RARB: variants seen among roughly 807,000 people sequenced by gnomAD.
The protein encoded by RARB is retinoic acid receptor beta, also known as HBV-activated protein.
Under a neutral mutation model 51.9 loss-of-function variants are expected in RARB, and 17 were observed. The ratio of observed to expected loss-of-function variants is 0.33; its 90% confidence interval spans 0.22 to 0.49. RARB has a LOEUF of 0.49. Ranked by LOEUF, RARB falls within the 20% of genes least tolerant of loss-of-function variation. RARB has a pLI of 0.99. For synonymous variants in RARB, 215 were observed against 195.4 expected (o/e 1.10, Z -0.84); for missense variants, 369 against 550.8 (o/e 0.67, Z 3.30).
rs1159578981 is a variant in RARB at position 25,416,733 on chromosome 3, T to A, written c.179-44460T>A. On this transcript the variant is annotated intron_variant, in intron 5 of 11. Transcript: ENST00000383772. ...AACAAGTGGTAGGCTGGATTTGGCC[T>A]TTGGAGTCTGCCAACCCCTGGACTT... Among the ~76,000 whole-genome samples, 3 of 152,216 alleles carry A rather than the reference T, an allele frequency of 2.0e-5. No homozygotes were observed. In the East Asian group the frequency reaches 5.8e-4, roughly 29 times the overall value.
chr3:24,954,461 G>C (rs924699503), intron 2 of RARB, among the ~76,000 whole-genome samples: 8 of 152,314 alleles, frequency 5.3e-5, no homozygotes, highest in African/African-American at 1.9e-4. Flanking sequence ...GTCAAGGTCT[G>C]AGTCCTCTTT....
chr3:25,284,231 A>G (rs1166238167), intron 5 of RARB, among the ~76,000 whole-genome samples: 2 of 152,074 alleles, frequency 1.3e-5, no homozygotes, highest in African/African-American at 4.8e-5. Context: ...TTGAAAGTGG[A>G]CCTTCCCCAC....
chr3:25,222,056 C>G (rs1701959876), intron 5 of RARB, among the ~76,000 whole-genome samples: 1 of 152,206 alleles, frequency 6.6e-6, no homozygotes, highest in African/African-American at 2.4e-5. Context: ...CTATCACTCT[C>G]ATTAAGTTAC....
At chr3:24,966,608 C>A (rs1356043963) in intron 2 of RARB, among the ~76,000 whole-genome samples, 11 of 70,852 alleles carry the variant, frequency 1.6e-4, no homozygotes, top group African/African-American at 5.4e-4. Context: ...TTACATTCAT[C>A]TCTCTCTCTC....
At chr3:24,851,165 T>C (rs1392539902) in intron 1 of RARB, among the ~76,000 whole-genome samples, 2 of 152,130 alleles carry the variant, frequency 1.3e-5, no homozygotes, top group African/African-American at 4.8e-5. Flanking sequence ...CCTGGTTTGG[T>C]GGCTCATGCC....
At chr3:25,288,679 G>T (rs1703712763) in intron 5 of RARB, among the ~76,000 whole-genome samples, 1 of 152,060 alleles carries the variant, frequency 6.6e-6, no homozygotes. Flanking sequence ...CCCTGTACCA[G>T]AAACAATAAC....
At chr3:25,046,139 G>A (rs1698209009) in intron 2 of RARB, among the ~76,000 whole-genome samples, 1 of 152,180 alleles carries the variant, frequency 6.6e-6, no homozygotes, top group Non-Finnish European at 1.5e-5. Flanking sequence ...GGAAATTAGG[G>A]AAAGAAAATG....
intron 3 of RARB, among the ~76,000 whole-genome samples, chr3:25,088,101 A>G (rs1046622706): frequency 6.6e-6 from 1 of 152,004 alleles, no homozygotes; most frequent in Non-Finnish European, 1.5e-5. Context: ...GAGATAAGCA[A>G]TTTCACAGTA....
chr3:25,530,007 C>T (rs1181884616), intron 3 of RARB, among the ~76,000 whole-genome samples: 1 of 152,128 alleles, frequency 6.6e-6, no homozygotes, highest in Non-Finnish European at 1.5e-5. Context: ...GCCTCCCCTC[C>T]CTGAGCAACC....
intron 5 of RARB, among the ~76,000 whole-genome samples, chr3:25,585,835 C>T (rs913062561): frequency 3.3e-5 from 5 of 152,138 alleles, no homozygotes; most frequent in African/African-American, 1.2e-4. Flanking sequence ...AGTGACTTTC[C>T]CCAGGTCGCG....
rs180774007 is a variant in RARB at position 25,557,618 on chromosome 3, C to A, written c.449-12140C>A. On this transcript the variant is annotated intron_variant, in intron 3 of 7. Coordinates refer to ENST00000330688, the MANE Select transcript of RARB (RefSeq NM_000965.5). ...ACCCTTCCTGCTGCCTGGCACCTTG[C>A]ATCTGCTATCCTGGCACTTCCCTAC... 2.6e-5 allele frequency among the ~76,000 whole-genome samples: 4 copies of A among 152,294 alleles called. No homozygotes were observed. The East Asian group carries it at 5.8e-4, about 22-fold the overall frequency.
intron 2 of RARB, among the ~76,000 whole-genome samples, chr3:24,922,000 G>A (rs1352630254): frequency 6.6e-6 from 1 of 152,214 alleles, no homozygotes; most frequent in East Asian, 1.9e-4. Context: ...CTAGGGCCAA[G>A]GATGCAGTAG....
intron 3 of RARB, among the ~76,000 whole-genome samples, chr3:25,081,201 T>C (rs1698987358): frequency 6.6e-6 from 1 of 152,114 alleles, no homozygotes. Context: ...GTGAGTTATT[T>C]AGAAATATGT....
chr3:24,913,755 A>G (rs942745327), intron 2 of RARB, among the ~76,000 whole-genome samples: 1 of 152,194 alleles, frequency 6.6e-6, no homozygotes, highest in African/African-American at 2.4e-5. Context: ...CCATATTTTG[A>G]ACGTTTTTGG....
intron 3 of RARB, among the ~76,000 whole-genome samples, chr3:25,118,590 C>T (rs780504437): frequency 8.6e-5 from 13 of 152,022 alleles, no homozygotes; most frequent in Non-Finnish European, 1.9e-4. Flanking sequence ...AGGTTATATT[C>T]CTTGAGAAGT....
At chr3:25,019,386 AGGGAGATAAGCCATGCAATTGCTAGTG>A (rs1174645433) in intron 2 of RARB, among the ~76,000 whole-genome samples, 1 of 152,190 alleles carries the variant, frequency 6.6e-6, no homozygotes, top group East Asian at 1.9e-4. Flanking sequence ...GGTAGCATGG[AGGGAGATAAGCCATGCAATTGCTAGTG>A]GGGTCCGGTT....
chr3:25,060,301 AT>A (rs1698523278), intron 3 of RARB: 1 of 151,914 alleles, frequency 6.6e-6, no homozygotes, highest in Admixed American at 6.6e-5. Context: ...AGTCCTTATT[AT>A]ATACACATAA....
Position 25,566,002 on chromosome 3 carries a change from C to T in RARB, c.449-3756C>T, listed in dbSNP as rs145188576. ...CGCCCTTGCCTCCCACTGCTGGCCT[C>T]CAGGGGAACGAGTCCCTGCACTGCC... On this transcript the variant is annotated intron_variant, in intron 3 of 7. Coordinates refer to ENST00000330688, the MANE Select transcript of RARB (RefSeq NM_000965.5). 6.0e-3 allele frequency among the ~76,000 whole-genome samples: 916 copies of T among 152,242 alleles called. 11 individuals carry two copies. The highest frequency in any genetic ancestry group is 0.021 in the African/African-American group (854 of 41,526).
intron 5 of RARB, among the ~76,000 whole-genome samples, chr3:25,339,046 G>A (rs1302115694): frequency 1.3e-5 from 2 of 152,120 alleles, no homozygotes; most frequent in Non-Finnish European, 2.9e-5. Context: ...GCACTTGAAA[G>A]GTCTATGTTC....
Sources: gnomAD v4.1 joint callset for allele counts (sites outside exome capture counted in the v4.1 genomes callset) on GRCh38, gnomAD v4.1.1 for gene constraint, MANE v1.5 for transcripts, NCBI Gene and HGNC (gene_info 2026-07-23, HGNC 2026-07-21) for gene names.